Variants in DPP10 observed in about 807,000 individuals in gnomAD.
The protein encoded by DPP10 is inactive dipeptidyl peptidase 10.
A neutral mutation model predicts 120.9 loss-of-function variants in DPP10; 33 were observed. That is an observed-to-expected ratio of 0.27 (90% CI 0.21 to 0.37). The LOEUF is 0.37. Ranked by LOEUF, DPP10 falls within the 10% of genes least tolerant of loss-of-function variation. The pLI, the probability that DPP10 is intolerant of heterozygous loss-of-function variation, is 1.00. For missense variants in DPP10, 816 were observed against 942.8 expected (o/e 0.87, Z 1.76); for synonymous variants, 337 against 326.1 (o/e 1.03, Z -0.36).
intron 2 of DPP10, among the ~76,000 whole-genome samples, chr2:115,319,885 A>G (rs34911120): frequency 0.027 from 4,144 of 152,232 alleles, 73 homozygotes; most frequent in South Asian, 0.06. Flanking sequence ...AGGAAAAGAC[A>G]GCCTTCCCTT....
Position 114,925,119 on chromosome 2 carries a change from A to G in DPP10, c.61-384120A>G, listed in dbSNP as rs900670319. On this transcript the variant is annotated intron_variant, in intron 1 of 25. Coordinates refer to ENST00000410059, the MANE Select transcript of DPP10 (RefSeq NM_020868.6). The stretch of plus-strand genomic sequence containing the variant: ...CCAGCTACTCGGCAGGCTGAGGCAG[A>G]AGAATCACTTCAACCTAGGAGGCAG... Among the ~76,000 whole-genome samples, 10 of 151,350 alleles carry G rather than the reference A, an allele frequency of 6.6e-5. No individual in the cohort carries two copies. In the East Asian group the frequency reaches 1.2e-3, roughly 18 times the overall value.
chr2:115,437,369 G>C (rs2071590414), intron 3 of DPP10, among the ~76,000 whole-genome samples: 1 of 151,948 alleles, frequency 6.6e-6, no homozygotes, highest in African/African-American at 2.4e-5. Context: ...TTATAGAGAG[G>C]ATTGAAATTG....
At chr2:114,920,090 G>T (rs1334918300) in intron 1 of DPP10, among the ~76,000 whole-genome samples, 1 of 152,148 alleles carries the variant, frequency 6.6e-6, no homozygotes, top group African/African-American at 2.4e-5. Flanking sequence ...CATTCAGGGA[G>T]TTTTGAGAAA....
chr2:115,494,754 T>C (rs910089295), intron 3 of DPP10, among the ~76,000 whole-genome samples: 4 of 152,142 alleles, frequency 2.6e-5, no homozygotes, highest in Non-Finnish European at 4.4e-5. Context: ...TGCTACAGAA[T>C]TTCAATTGTG....
At chr2:115,471,182 T>TAATAGGTTCA (rs1312420375) in intron 3 of DPP10, among the ~76,000 whole-genome samples, 1 of 152,212 alleles carries the variant, frequency 6.6e-6, no homozygotes, top group East Asian at 1.9e-4. Flanking sequence ...TTTGGAGGCT[T>TAATAGGTTCA]ATTGGCTTAA....
chr2:114,702,498 T>G (rs930314), intron 1 of DPP10, among the ~76,000 whole-genome samples: 6,584 of 152,044 alleles, frequency 0.043, 169 homozygotes, highest in South Asian at 0.089. Context: ...CCAGGAGATA[T>G]CAGAGTGGCA....
At chr2:115,775,057 A>G (rs541887558) in intron 13 of DPP10, among the ~76,000 whole-genome samples, 3 of 152,230 alleles carry the variant, frequency 2.0e-5, no homozygotes, top group African/African-American at 7.2e-5. Context: ...GAAATCAGCA[A>G]ACACTTAGAA....
At chr2:114,987,923 T>C (rs1011755404) in intron 1 of DPP10, among the ~76,000 whole-genome samples, 2 of 151,142 alleles carry the variant, frequency 1.3e-5, no homozygotes, top group Non-Finnish European at 2.9e-5. Flanking sequence ...CCTGCCTCAG[T>C]CTCCCGAGTA....
intron 5 of DPP10, among the ~76,000 whole-genome samples, chr2:115,643,871 C>T (rs1040492141): frequency 2.5e-4 from 38 of 152,124 alleles, no homozygotes; most frequent in African/African-American, 8.4e-4. Context: ...AAACCATTGT[C>T]TAAACAGTTC....
intron 1 of DPP10, among the ~76,000 whole-genome samples, chr2:114,444,514 G>T (rs1441137233): frequency 6.6e-6 from 1 of 151,994 alleles, no homozygotes; most frequent in African/African-American, 2.4e-5. Context: ...TACTTTCAGA[G>T]ACTTCAAATC....
intron 1 of DPP10, among the ~76,000 whole-genome samples, chr2:114,790,480 G>T (rs767944112): frequency 1.8e-4 from 28 of 152,050 alleles, no homozygotes; most frequent in Non-Finnish European, 3.5e-4. Flanking sequence ...TTTCATGCGC[G>T]TCCGTGTGAA....
rs569132066 is a variant in DPP10 at position 115,488,804 on chromosome 2, G to A, written c.272-10706G>A. On this transcript the variant is annotated intron_variant, in intron 3 of 25. Coordinates refer to ENST00000410059, the MANE Select transcript of DPP10 (RefSeq NM_020868.6). Reference sequence around the variant, plus strand: ...TAGATGACACATTAGTGGGTGCAGCGCACCAGCATGGCACATGTATACATA... The same window carrying A: ...TAGATGACACATTAGTGGGTGCAGCACACCAGCATGGCACATGTATACATA... Among the ~76,000 whole-genome samples, 998 of 129,430 alleles carry A rather than the reference G, an allele frequency of 7.7e-3. 12 individuals are homozygous for A. The highest frequency in any genetic ancestry group is 0.028 in the African/African-American group (925 of 33,586). The allele number at this position is 129,430 out of a possible 152,430, so 84.9% of individuals were successfully genotyped here.
intron 1 of DPP10, among the ~76,000 whole-genome samples, chr2:114,722,640 G>A (rs1456513209): frequency 6.6e-6 from 1 of 151,848 alleles, no homozygotes; most frequent in African/African-American, 2.4e-5. Context: ...GCCGGGCGTG[G>A]TGGCGGGAGC....
At chr2:115,162,181 G>C in intron 1 of DPP10, 1 of 1,547,786 alleles carries the variant, frequency 6.5e-7, no homozygotes, top group Non-Finnish European at 8.7e-7. Flanking sequence ...GCTTCTCCAC[G>C]GACTCTGCGG....
At chr2:115,421,748 T>A (rs1348326460) in intron 3 of DPP10, among the ~76,000 whole-genome samples, 2 of 151,384 alleles carry the variant, frequency 1.3e-5, no homozygotes, top group Admixed American at 1.3e-4. Flanking sequence ...GCATGAGCCT[T>A]TAGTCTCAGC....
chr2:115,468,622 A>G, intron 3 of DPP10: 1 of 385,100 alleles, frequency 2.6e-6, no homozygotes, highest in South Asian at 2.0e-5. Flanking sequence ...ATCTCCCATG[A>G]ACATCCATGG....
chr2:115,146,401 A>C (rs2051226681), intron 1 of DPP10, among the ~76,000 whole-genome samples: 1 of 152,130 alleles, frequency 6.6e-6, no homozygotes, highest in South Asian at 2.1e-4. Context: ...TCTATCTTGT[A>C]TCATGTATTT....
chr2:115,412,538 T>C (rs1407677960), intron 3 of DPP10, among the ~76,000 whole-genome samples: 3 of 152,210 alleles, frequency 2.0e-5, no homozygotes, highest in Non-Finnish European at 4.4e-5. Flanking sequence ...AGACTTTTCA[T>C]TTTCATTAGA....
intron 5 of DPP10, among the ~76,000 whole-genome samples, chr2:115,585,305 TA>T (rs1489219358): frequency 6.6e-6 from 1 of 152,188 alleles, no homozygotes; most frequent in Non-Finnish European, 1.5e-5. Context: ...AACTCAGACA[TA>T]ATTTCAGTTG....
Sources: gnomAD v4.1 joint callset for allele counts (sites outside exome capture counted in the v4.1 genomes callset) on GRCh38, gnomAD v4.1.1 for gene constraint, MANE v1.5 for transcripts, NCBI Gene and HGNC (gene_info 2026-07-23, HGNC 2026-07-21) for gene names.